The following MAPKAP1 variants were observed in gnomAD, a reference collection of about 807,000 sequenced individuals.
The protein encoded by MAPKAP1 is target of rapamycin complex 2 subunit MAPKAP1.
In MAPKAP1, 20 loss-of-function variants were observed where a neutral mutation model predicts 65.7. The observed-to-expected ratio is 0.30, with a 90% CI of 0.21 to 0.44. The LOEUF is 0.44. Among genes scored for constraint, MAPKAP1 ranks in the 20% least tolerant of loss-of-function variants. MAPKAP1 has a pLI of 1.00. For missense variants in MAPKAP1, 423 were observed against 648.0 expected, an observed-to-expected ratio of 0.65 and a Z score of 3.77; for synonymous variants, 222 against 244.3, an observed-to-expected ratio of 0.91 and a Z score of 0.85.
At chr9:125,652,062 G>A (rs931324307) in intron 4 of MAPKAP1, 20 of 1,199,340 alleles carry the variant, frequency 1.7e-5, no homozygotes, top group East Asian at 5.0e-5. Flanking sequence ...GTTCAGATGA[G>A]GTGCCTTTTC....
At chr9:125,533,987 A>T (rs1830004737) in intron 7 of MAPKAP1, among the ~76,000 whole-genome samples, 1 of 152,196 alleles carries the variant, frequency 6.6e-6, no homozygotes, top group South Asian at 2.1e-4. Flanking sequence ...TCTAATATAG[A>T]ATAATGCTTA....
At chr9:125,559,396 G>A (rs760492342) in intron 6 of MAPKAP1, 13 of 352,104 alleles carry the variant, frequency 3.7e-5, no homozygotes, top group South Asian at 1.3e-4. Flanking sequence ...TGGACATGCC[G>A]TTCAGAGATC....
intron 4 of MAPKAP1, among the ~76,000 whole-genome samples, chr9:125,645,840 A>G (rs1833711626): frequency 6.6e-6 from 1 of 151,920 alleles, no homozygotes; most frequent in Non-Finnish European, 1.5e-5. Context: ...CCCTCTGCCT[A>G]CTTGGCCACT....
chr9:125,689,189 G>A (rs1384578629), intron 1 of MAPKAP1, among the ~76,000 whole-genome samples: 2 of 151,934 alleles, frequency 1.3e-5, no homozygotes, highest in African/African-American at 2.4e-5. Flanking sequence ...TGTAATCCCA[G>A]CACTTTGGGA....
Position 125,691,000 on chromosome 9 carries a change from G to A in MAPKAP1, c.-70+15971C>T, listed in dbSNP as rs533059355. Reference sequence around the variant, plus strand: ...GTAGAGGCCGGGCGCAGTGGCTCACGCCTGTAATCCCAGCACTGTGGGAGG... The same window carrying A: ...GTAGAGGCCGGGCGCAGTGGCTCACACCTGTAATCCCAGCACTGTGGGAGG... On this transcript the variant is annotated intron_variant, in intron 1 of 11. Coordinates refer to ENST00000265960, the MANE Select transcript of MAPKAP1 (RefSeq NM_001006617.3). 6.6e-5 allele frequency among the ~76,000 whole-genome samples: 10 copies of A among 152,300 alleles called. No homozygotes were observed. In the East Asian group the frequency reaches 9.6e-4, roughly 15 times the overall value.
chr9:125,509,622 C>T (rs1043738473), intron 7 of MAPKAP1, among the ~76,000 whole-genome samples: 2 of 152,106 alleles, frequency 1.3e-5, no homozygotes, highest in African/African-American at 4.8e-5. Context: ...GTGAAGCAAC[C>T]GTGCACCCTG....
intron 4 of MAPKAP1, among the ~76,000 whole-genome samples, chr9:125,640,154 A>G (rs956419185): frequency 1.3e-5 from 2 of 151,972 alleles, no homozygotes; most frequent in African/African-American, 4.8e-5. Flanking sequence ...CCCAGGCTGG[A>G]GTGCAGTGGC....
chr9:125,632,816 G>A (rs1188554273), intron 4 of MAPKAP1, among the ~76,000 whole-genome samples: 5 of 152,080 alleles, frequency 3.3e-5, no homozygotes, highest in Admixed American at 6.5e-5. Flanking sequence ...TCTGTGCCTC[G>A]TCTCTCAGCC....
intron 6 of MAPKAP1, among the ~76,000 whole-genome samples, chr9:125,544,486 A>C (rs1830363732): frequency 1.3e-5 from 2 of 152,184 alleles, no homozygotes; most frequent in South Asian, 4.1e-4. Context: ...TTGGAAAAAA[A>C]CCGCTAAGGA....
rs183204595 is a variant in MAPKAP1 at position 125,452,637 on chromosome 9, C to T, written c.1346-8039G>A. Among the ~76,000 whole-genome samples the T allele has an allele frequency of 4.5e-3, 680 of 152,068 alleles. 4 individuals carry two copies. The highest frequency in any genetic ancestry group is 0.015 in the African/African-American group (638 of 41,466). ...ACATTTATTGTGTTAGAAATTCGGC[C>T]AGGTGTGGTGGCTCACGCCTGTAAT... On this transcript the variant is annotated intron_variant, in intron 10 of 11. Transcript: ENST00000265960.
chr9:125,634,702 A>C (rs12685030), intron 4 of MAPKAP1, among the ~76,000 whole-genome samples: 1 of 152,254 alleles, frequency 6.6e-6, no homozygotes, highest in African/African-American at 2.4e-5. Flanking sequence ...TATGATCCAG[A>C]CAATGCTTGA....
chr9:125,504,981 CAGG>C (rs1193479953), intron 8 of MAPKAP1, among the ~76,000 whole-genome samples: 2 of 152,174 alleles, frequency 1.3e-5, no homozygotes, highest in Non-Finnish European at 2.9e-5. Context: ...TGGTATGGGC[CAGG>C]GTCATCCTCA....
chr9:125,494,366 G>C (rs1178144241), intron 8 of MAPKAP1, among the ~76,000 whole-genome samples: 3 of 152,170 alleles, frequency 2.0e-5, no homozygotes, highest in Non-Finnish European at 2.9e-5. Context: ...TCACGCAGTA[G>C]GATATACCCT....
intron 8 of MAPKAP1, among the ~76,000 whole-genome samples, chr9:125,492,975 C>A (rs191816705): frequency 8.5e-5 from 13 of 152,250 alleles, no homozygotes; most frequent in Admixed American, 3.9e-4. Context: ...GACAGGCAAT[C>A]CATGGAGGAA....
chr9:125,550,182 C>T (rs932852776), intron 6 of MAPKAP1, among the ~76,000 whole-genome samples: 2 of 152,176 alleles, frequency 1.3e-5, no homozygotes, highest in African/African-American at 4.8e-5. Context: ...TCAAACGCTT[C>T]GTTCTATCAC....
chr9:125,438,466 C>A lies in MAPKAP1; in HGVS notation c.*421G>T. 1 of 401,458 alleles carries A rather than the reference C, an allele frequency of 2.5e-6. No homozygotes were observed. Among genetic ancestry groups the A allele is most frequent in the Non-Finnish European group, 4.4e-6 (1 of 227,658 alleles). 24.9% of individuals were successfully genotyped at this position (401,458 alleles called of 1,614,324 possible). ...CCCAAAGAATGGTCCATCATACCAA[C>A]CATGATAAAGAGTACACCTGTTTAT... On this transcript the variant is annotated 3_prime_UTR_variant, in exon 12 of 12. Transcript: ENST00000265960.
chr9:125,557,763 C>T (rs1398702183), intron 6 of MAPKAP1, among the ~76,000 whole-genome samples: 8 of 152,192 alleles, frequency 5.3e-5, no homozygotes, highest in Admixed American at 4.6e-4. Context: ...TGTCTCACTA[C>T]TAGATAGTAA....
chr9:125,696,412 GAAAAAAAAAC>G, intron 1 of MAPKAP1: 1 of 104,188 alleles, frequency 9.6e-6, no homozygotes, highest in East Asian at 2.7e-4. Flanking sequence ...ACCCTGTCTC[GAAAAAAAAAC>G]AAAAAAAAAA....
intron 4 of MAPKAP1, among the ~76,000 whole-genome samples, chr9:125,608,106 G>C (rs536976065): frequency 6.6e-6 from 1 of 152,122 alleles, no homozygotes; most frequent in Non-Finnish European, 1.5e-5. Context: ...TGGCACTCTA[G>C]GGTTCTACTT....
Sources: gnomAD v4.1 joint callset for allele counts (sites outside exome capture counted in the v4.1 genomes callset) on GRCh38, gnomAD v4.1.1 for gene constraint, MANE v1.5 for transcripts, NCBI Gene and HGNC (gene_info 2026-07-23, HGNC 2026-07-21) for gene names.